The following NAALADL2 variants were observed in gnomAD, a reference collection of about 807,000 sequenced individuals.
NAALADL2 encodes the protein inactive N-acetylated-alpha-linked acidic dipeptidase-like protein 2.
In NAALADL2, 76 loss-of-function variants were observed where a neutral mutation model predicts 87.2. That is an observed-to-expected ratio of 0.87 (90% CI 0.72 to 1.05). NAALADL2 has a LOEUF of 1.05. Ranked by LOEUF, NAALADL2 falls within the 50% of genes least tolerant of loss-of-function variation. The probability of loss-of-function intolerance (pLI) is 0.00; values close to 1 mark genes in which losing one functional copy is unlikely to be tolerated. For synonymous variants in NAALADL2, 354 were observed against 331.0 expected, an observed-to-expected ratio of 1.07 and a Z score of -0.75; for missense variants, 1,089 against 945.8, an observed-to-expected ratio of 1.15 and a Z score of -1.99.
chr3:174,495,861 T>G (rs1423048291), intron 1 of NAALADL2, among the ~76,000 whole-genome samples: 1 of 152,200 alleles, frequency 6.6e-6, no homozygotes, highest in Non-Finnish European at 1.5e-5. Context: ...ATTAAATGAA[T>G]GACAGGATTA....
intron 5 of NAALADL2, among the ~76,000 whole-genome samples, chr3:175,368,473 A>G (rs909744552): frequency 3.9e-5 from 6 of 152,178 alleles, no homozygotes; most frequent in African/African-American, 7.2e-5. Flanking sequence ...TCGGCTGTGA[A>G]TCCATCTGGT....
At chr3:175,794,357 AAAC>A (rs1179588126) in intron 13 of NAALADL2, among the ~76,000 whole-genome samples, 1 of 145,208 alleles carries the variant, frequency 6.9e-6, no homozygotes, top group Non-Finnish European at 1.5e-5. Flanking sequence ...ATATAAATAA[AAAC>A]AAGAAACCAA....
chr3:175,643,323 A>G (rs899167849), intron 11 of NAALADL2, among the ~76,000 whole-genome samples: 10 of 152,204 alleles, frequency 6.6e-5, no homozygotes, highest in African/African-American at 2.4e-4. Context: ...GTATTCTTGT[A>G]CATGTCCCTG....
intron 2 of NAALADL2, among the ~76,000 whole-genome samples, chr3:175,157,100 T>A (rs555660962): frequency 4.1e-5 from 6 of 147,590 alleles, no homozygotes; most frequent in African/African-American, 1.3e-4. Flanking sequence ...ATTTTTAGTA[T>A]GTACTTAGTT....
chr3:175,324,044 G>GAAAAAAAAAAAAAAAAAA (rs1399594788), intron 4 of NAALADL2, 131 bp from the exon 5 acceptor site: 2 of 444,024 alleles, frequency 4.5e-6, no homozygotes, highest in Non-Finnish European at 7.4e-6. Context: ...AAAAAAAAAA[G>GAAAAAAAAAAAAAAAAAA]AAAAAGAAAA....
chr3:174,707,604 CCTGG>C (rs1222097005), intron 2 of NAALADL2, among the ~76,000 whole-genome samples: 12 of 136,934 alleles, frequency 8.8e-5, no homozygotes, highest in African/African-American at 3.4e-4. Flanking sequence ...AATGAGAACG[CCTGG>C]ACACAGGAAG....
chr3:174,875,518 T>C (rs1728398206), intron 1 of NAALADL2, among the ~76,000 whole-genome samples: 2 of 152,186 alleles, frequency 1.3e-5, no homozygotes, highest in South Asian at 2.1e-4. Context: ...ATTTTGATAG[T>C]AATCAGTAAT....
At chr3:175,112,858 A>G (rs912558933) in intron 2 of NAALADL2, among the ~76,000 whole-genome samples, 2 of 151,574 alleles carry the variant, frequency 1.3e-5, no homozygotes, top group Non-Finnish European at 3.0e-5. Flanking sequence ...ATAAATTCTG[A>G]TAGGGTAGAG....
At chr3:174,816,413 CGTGTGTGT>C (rs10567967) in intron 3 of NAALADL2, among the ~76,000 whole-genome samples, 4 of 148,502 alleles carry the variant, frequency 2.7e-5, no homozygotes, top group African/African-American at 4.9e-5. Flanking sequence ...TATGTGTGTG[CGTGTGTGT>C]GTGTGTGTGT....
intron 1 of NAALADL2, among the ~76,000 whole-genome samples, chr3:175,082,089 G>A (rs1207717244): frequency 6.6e-6 from 1 of 151,998 alleles, no homozygotes; most frequent in Non-Finnish European, 1.5e-5. Flanking sequence ...AACACAATAA[G>A]TGACGGAATC....
At chr3:175,793,171 T>C (rs1753003746) in intron 13 of NAALADL2, among the ~76,000 whole-genome samples, 1 of 152,176 alleles carries the variant, frequency 6.6e-6, no homozygotes, top group Non-Finnish European at 1.5e-5. Flanking sequence ...CTCTGGAACT[T>C]TTCTCCTAAA....
intron 9 of NAALADL2, among the ~76,000 whole-genome samples, chr3:175,506,937 C>T (rs537008206): frequency 1.2e-4 from 18 of 152,170 alleles, no homozygotes; most frequent in Middle Eastern, 3.4e-3. Context: ...ATGACATGCA[C>T]GGGACATGTC....
At chr3:175,380,716 T>C (rs963277036) in intron 5 of NAALADL2, among the ~76,000 whole-genome samples, 1 of 152,154 alleles carries the variant, frequency 6.6e-6, no homozygotes, top group Admixed American at 6.5e-5. Flanking sequence ...AATAAAGCTT[T>C]TTATGTTTTG....
At chr3:174,493,206 T>C (rs1450385463) in intron 1 of NAALADL2, among the ~76,000 whole-genome samples, 1 of 152,186 alleles carries the variant, frequency 6.6e-6, no homozygotes, top group Non-Finnish European at 1.5e-5. Flanking sequence ...TACTTCAGAA[T>C]GTAACCCGAT....
intron 11 of NAALADL2, among the ~76,000 whole-genome samples, chr3:175,649,663 C>G (rs896003020): frequency 6.6e-6 from 1 of 152,068 alleles, no homozygotes; most frequent in African/African-American, 2.4e-5. Flanking sequence ...AGTCCAAGCT[C>G]TCTGGTATCT....
intron 2 of NAALADL2, among the ~76,000 whole-genome samples, chr3:175,104,358 G>T (rs936475): frequency 0.44 from 66,691 of 151,816 alleles, 14,661 homozygotes; most frequent in East Asian, 0.52. Flanking sequence ...ATGAAATAGT[G>T]GTTTGTCTCT....
At chr3:175,517,241 C>A (rs1731974533) in intron 9 of NAALADL2, among the ~76,000 whole-genome samples, 1 of 152,104 alleles carries the variant, frequency 6.6e-6, no homozygotes, top group Non-Finnish European at 1.5e-5. Flanking sequence ...GGTGGACAAA[C>A]ATTTCACAGT....
At chr3:174,547,471 G>A (rs1711535275) in intron 1 of NAALADL2, among the ~76,000 whole-genome samples, 1 of 152,236 alleles carries the variant, frequency 6.6e-6, no homozygotes, top group East Asian at 1.9e-4. Flanking sequence ...AGTTTCAAGA[G>A]ATGAAGGTGG....
intron 1 of NAALADL2, among the ~76,000 whole-genome samples, chr3:174,490,247 G>A (rs548521591): frequency 1.4e-4 from 22 of 151,972 alleles, no homozygotes; most frequent in Non-Finnish European, 2.8e-4. Flanking sequence ...GTATTGATAC[G>A]TATTACAACA....
Sources: allele counts gnomAD v4.1 joint callset (sites outside exome capture counted in the v4.1 genomes callset), GRCh38; gene constraint gnomAD v4.1.1; transcripts MANE v1.5; gene names NCBI Gene and HGNC (gene_info 2026-07-23, HGNC 2026-07-21).